MAEA: variants seen among roughly 807,000 people sequenced by gnomAD.
MAEA encodes E3 ubiquitin-protein transferase MAEA.
In MAEA, 22 loss-of-function variants were observed where a neutral mutation model predicts 46.2. The ratio of observed to expected loss-of-function variants is 0.48; its 90% CI spans 0.34 to 0.68. The LOEUF (loss-of-function observed/expected upper bound fraction) is 0.68. MAEA is among the 30% of genes least tolerant of loss of function. The pLI, the probability that MAEA is intolerant of heterozygous loss-of-function variation, is 0.01. For synonymous variants in MAEA, 246 were observed against 222.6 expected (o/e 1.11, Z -0.94); for missense variants, 393 against 558.1 (o/e 0.70, Z 2.98).
chr4:1,334,173 C>G lies in MAEA; in HGVS notation c.765+1308C>G, dbSNP rs1225537854. On this transcript the variant is annotated intron_variant, in intron 6 of 8. Transcript: ENST00000303400. ...CCCTGCATCCACCCCCATGCCCACC[C>G]CTGTGCTCATCACACTGGGAACAGT... Among the ~76,000 whole-genome samples the G allele has an allele frequency of 2.1e-5, 2 of 95,682 alleles. 1 individual carries two copies. Among genetic ancestry groups the G allele is most frequent in the African/African-American group, 7.3e-5 (2 of 27,330 alleles). 62.8% of individuals were successfully genotyped at this position (95,682 alleles called of 152,430 possible).
In MAEA at chr4:1,332,871, G is replaced by A; in HGVS notation, c.765+6G>A. 6.2e-7 allele frequency: 1 copy of A among 1,602,988 alleles called. No individual in the cohort carries two copies. Among genetic ancestry groups the A allele is most frequent in the East Asian group, 2.2e-5 (1 of 44,482 alleles). On this transcript the variant is annotated splice_donor_region_variant and intron_variant, in intron 6 of 8. Transcript: ENST00000303400. Reference sequence around the variant, plus strand: ...CGCACATCTCCCCGTACAAGGTAGGGCGTGCGTCCCTGGGGTCGGTGTCAT... The same window carrying A: ...CGCACATCTCCCCGTACAAGGTAGGACGTGCGTCCCTGGGGTCGGTGTCAT...
chr4:1,300,745 C>G (rs1367239757), intron 1 of MAEA, among the ~76,000 whole-genome samples: 1 of 152,262 alleles, frequency 6.6e-6, no homozygotes, highest in Admixed American at 6.5e-5. Context: ...ACAGGGAGCG[C>G]AGAGCTCAGG....
At position 1,336,845 on chromosome 4, in the gene MAEA, G is replaced by T. The variant is rs754214861; in HGVS notation, c.766-16G>T. Reference sequence around the variant, plus strand: ...CCTGGGAGCATCCCCAGGACCCTCTGCTCTCTGTCTTCCAGGACCTTCTGG... The same window carrying T: ...CCTGGGAGCATCCCCAGGACCCTCTTCTCTCTGTCTTCCAGGACCTTCTGG... On this transcript the variant is annotated splice_polypyrimidine_tract_variant and intron_variant, in intron 6 of 8. Transcript: ENST00000303400. The T allele has an allele frequency of 1.2e-6, 2 of 1,611,758 alleles. No homozygotes were observed. Among genetic ancestry groups the T allele is most frequent in the Non-Finnish European group, 1.7e-6 (2 of 1,178,796 alleles).
At chr4:1,332,556 A>T in intron 5 of MAEA, 1 of 474,274 alleles carries the variant, frequency 2.1e-6, no homozygotes, top group South Asian at 2.4e-5. Context: ...CTCTAACAAG[A>T]TGTTTTTTAC....
At chr4:1,291,676 G>A (rs527564616) in intron 1 of MAEA, among the ~76,000 whole-genome samples, 4 of 152,318 alleles carry the variant, frequency 2.6e-5, no homozygotes, top group East Asian at 3.9e-4. Context: ...GGAAACACTA[G>A]ATAGGAAAAG....
At chr4:1,309,296 T>A in intron 1 of MAEA, 1 of 415,732 alleles carries the variant, frequency 2.4e-6, no homozygotes, top group Non-Finnish European at 3.6e-6. Flanking sequence ...TTTCTGAAAT[T>A]CCACTCACTC....
At chr4:1,337,049 A>G in intron 7 of MAEA, 55 bp downstream of exon 7, 3 of 1,593,292 alleles carry the variant, frequency 1.9e-6, no homozygotes, top group South Asian at 2.2e-5. Context: ...ATCTTTGGTC[A>G]TATTTTAACA....
rs1206445080 is a variant in MAEA at position 1,339,496 on chromosome 4, G to C, written c.*327G>C. On this transcript the variant is annotated 3_prime_UTR_variant, in exon 9 of 9. Coordinates refer to ENST00000303400, the MANE Select transcript of MAEA (RefSeq NM_001017405.3). ...GAACGTTTAAAATATAGGAGTCCGT[G>C]ATTTCCCTGTGTTTTCAGTTTCTTT... 3.1e-6 allele frequency: 1 copy of C among 324,854 alleles called. No homozygotes were observed. The highest frequency in any genetic ancestry group is 5.8e-6 in the Non-Finnish European group (1 of 173,836). The allele number at this position is 324,854 out of a possible 1,614,324, so 20.1% of individuals were successfully genotyped here.
At chr4:1,303,896 CA>C (rs1289415034) in intron 1 of MAEA, among the ~76,000 whole-genome samples, 3 of 83,944 alleles carry the variant, frequency 3.6e-5, no homozygotes, top group African/African-American at 1.5e-4. Context: ...GGGGGTCCGG[CA>C]GGGCAGGGTG....
chr4:1,320,421 G>A (rs1312020637), intron 3 of MAEA, among the ~76,000 whole-genome samples: 1 of 147,124 alleles, frequency 6.8e-6, no homozygotes, highest in East Asian at 2.1e-4. Flanking sequence ...GCTGTGAAGG[G>A]GCTTTAGAAA....
intron 1 of MAEA, among the ~76,000 whole-genome samples, chr4:1,308,997 G>C (rs1736109684): frequency 6.6e-6 from 1 of 152,150 alleles, no homozygotes; most frequent in Non-Finnish European, 1.5e-5. Flanking sequence ...CGGTCTGTGA[G>C]GTTGCCTGTC....
At chr4:1,335,226 T>G (rs79196469) in intron 6 of MAEA, 5 of 985,516 alleles carry the variant, frequency 5.1e-6, no homozygotes, top group Non-Finnish European at 6.0e-6. Flanking sequence ...TCATACATGA[T>G]TTCTCTGAAG....
chr4:1,336,807 T>TCCCAGGAGCTTCCCTGGGAGCATC, intron 6 of MAEA, 54 bp from the exon 7 acceptor site: 11 of 1,578,160 alleles, frequency 7.0e-6, no homozygotes, highest in Non-Finnish European at 7.8e-6. Flanking sequence ...TTTTAAGCTG[T>TCCCAGGAGCTTCCCTGGGAGCATC]CCCAGGAGCT....
intron 6 of MAEA, 146 bp downstream of exon 6, chr4:1,333,011 T>C: frequency 3.4e-6 from 2 of 584,588 alleles, no homozygotes; most frequent in South Asian, 4.6e-5. Flanking sequence ...AGACAAGCTT[T>C]TCTTGTTTGA....
chr4:1,315,379 C>T lies in MAEA; in HGVS notation c.253-18C>T, dbSNP rs1480420736. 1 of 1,613,266 alleles carries T rather than the reference C, an allele frequency of 6.2e-7. No homozygotes were observed. The highest frequency in any genetic ancestry group is 1.7e-5 in the Admixed American group (1 of 60,012). ...GGGCATCCCTGTCCTGAACGTGCCT[C>T]TGTTGTGTGTGGCTCAGGCGGTGGA... is the stretch of plus-strand genomic sequence containing the variant. On this transcript the variant is annotated intron_variant, in intron 2 of 8. Transcript: ENST00000303400.
At chr4:1,309,578 A>G in intron 1 of MAEA, 1 of 1,489,222 alleles carries the variant, frequency 6.7e-7, no homozygotes, top group Non-Finnish European at 8.9e-7. Flanking sequence ...GCGCTGGAGG[A>G]GGAGCAGAGG....
chr4:1,300,910 G>A (rs1735258285), intron 1 of MAEA, among the ~76,000 whole-genome samples: 1 of 152,172 alleles, frequency 6.6e-6, no homozygotes, highest in African/African-American at 2.4e-5. Flanking sequence ...GGTATGTGCT[G>A]TGCTTGGGGA....
At chr4:1,310,543 G>A (rs1192391622) in intron 1 of MAEA, among the ~76,000 whole-genome samples, 1 of 152,220 alleles carries the variant, frequency 6.6e-6, no homozygotes, top group Non-Finnish European at 1.5e-5. Flanking sequence ...GTTGTGTCTT[G>A]ATAGCTTCCC....
At chr4:1,307,533 G>A (rs180959007) in intron 1 of MAEA, among the ~76,000 whole-genome samples, 1 of 152,354 alleles carries the variant, frequency 6.6e-6, no homozygotes, top group East Asian at 1.9e-4. Context: ...TGTGTATTGT[G>A]TTACTTGTCC....
Sources: gnomAD v4.1 joint callset for allele counts (sites outside exome capture counted in the v4.1 genomes callset) on GRCh38, gnomAD v4.1.1 for gene constraint, MANE v1.5 for transcripts, NCBI Gene and HGNC (gene_info 2026-07-23, HGNC 2026-07-21) for gene names.